NUDCD3: variants seen among roughly 807,000 people sequenced by gnomAD.
NUDCD3 encodes the protein nudC domain-containing protein 3.
Under a neutral mutation model 39.7 loss-of-function variants are expected in NUDCD3, and 13 were observed. That is an observed-to-expected ratio of 0.33 (90% confidence interval 0.21 to 0.52). The LOEUF (loss-of-function observed/expected upper bound fraction) is 0.52, where lower values mean the gene tolerates loss of function less well. Ranked by LOEUF, NUDCD3 falls within the 20% of genes least tolerant of loss-of-function variation. The pLI is 0.96. For synonymous variants in NUDCD3, 175 were observed against 172.4 expected (o/e 1.02, Z -0.12); for missense variants, 453 against 458.1 (o/e 0.99, Z 0.10).
chr7:44,486,647 T>C (rs920648194), intron 1 of NUDCD3, among the ~76,000 whole-genome samples: 2 of 152,206 alleles, frequency 1.3e-5, no homozygotes, highest in African/African-American at 4.8e-5. Flanking sequence ...CCGCTTTGAG[T>C]CCATGCTTTC....
rs140315398 is a variant in NUDCD3 at position 44,484,970 on chromosome 7, G to A, written c.507C>T (p.Pro169=). ...AGCTGCAAAGTAGAAATTCCCACCTGGGAAGAATTGGTGGTTCCCTAGGGA... is the reference window on the plus strand; with the variant it reads ...AGCTGCAAAGTAGAAATTCCCACCTAGGAAGAATTGGTGGTTCCCTAGGGA... The part of the protein sequence containing the change: ...AEVPREPPIL[P]RIQEQFQKNP... Residue 169 remains proline, a splice_region_variant and synonymous_variant, in exon 2 of 6, where the codon CCC becomes CCT. Transcript: ENST00000355451. 2 of 1,591,264 alleles carry A rather than the reference G, an allele frequency of 1.3e-6. No individual in the cohort carries two copies. Among genetic ancestry groups the A allele is most frequent in the African/African-American group, 2.7e-5 (2 of 73,962 alleles).
rs116332969 is a variant in NUDCD3, at chr7:44,407,185, G to A, written c.643-2602C>T. Reference sequence around the variant, plus strand: ...TCCACTCAGCTGTCGGTGGTGGTGGGACGAGCAGGTTTCAGACACACAGTA... The same window carrying A: ...TCCACTCAGCTGTCGGTGGTGGTGGAACGAGCAGGTTTCAGACACACAGTA... On this transcript the variant is annotated intron_variant, in intron 3 of 5. Coordinates refer to ENST00000355451, the MANE Select transcript of NUDCD3 (RefSeq NM_015332.4). Among the ~76,000 whole-genome samples, 990 of 151,632 alleles carry A rather than the reference G, an allele frequency of 6.5e-3. 10 individuals are homozygous for A. Among genetic ancestry groups the A allele is most frequent in the African/African-American group, 0.023 (936 of 41,284 alleles).
At chr7:44,406,694 C>T (rs1798827032) in intron 3 of NUDCD3, among the ~76,000 whole-genome samples, 1 of 152,160 alleles carries the variant, frequency 6.6e-6, no homozygotes, top group African/African-American at 2.4e-5. Context: ...AGATGTCACA[C>T]TGGGAACAGA....
At position 44,439,868 on chromosome 7, in the gene NUDCD3, T is replaced by C. The variant is rs151224818; in HGVS notation, c.510-12165A>G. On this transcript the variant is annotated intron_variant, in intron 2 of 5. Transcript: ENST00000355451. Reference sequence around the variant, plus strand: ...ATAGGAAATTGCCATTAAAACATAATTGCCAAGAGCCACTGATGATGCTAA... The same window carrying C: ...ATAGGAAATTGCCATTAAAACATAACTGCCAAGAGCCACTGATGATGCTAA... 8.7e-3 allele frequency among the ~76,000 whole-genome samples: 1,324 copies of C among 151,586 alleles called. 18 individuals are homozygous for C. Among genetic ancestry groups the C allele is most frequent in the African/African-American group, 0.03 (1,250 of 41,484 alleles).
chr7:44,468,066 A>G, intron 2 of NUDCD3: 3 of 1,612,678 alleles, frequency 1.9e-6, no homozygotes, highest in Non-Finnish European at 1.7e-6. Flanking sequence ...TTGATGCCCA[A>G]CATTGGTTAT....
chr7:44,386,204 A>C, intron 5 of NUDCD3, 83 bp from the exon 6 acceptor site: 2 of 1,469,944 alleles, frequency 1.4e-6, no homozygotes, highest in South Asian at 2.4e-5. Flanking sequence ...CTGCAGGTAG[A>C]GAGCCTTCTT....
At chr7:44,393,993 C>A (rs766408799) in intron 4 of NUDCD3, among the ~76,000 whole-genome samples, 14 of 152,202 alleles carry the variant, frequency 9.2e-5, no homozygotes, top group Non-Finnish European at 1.6e-4. Flanking sequence ...GCTCCTGCTG[C>A]CAAAACCTAC....
intron 2 of NUDCD3, among the ~76,000 whole-genome samples, chr7:44,465,092 C>G (rs954602380): frequency 2.6e-5 from 4 of 152,236 alleles, no homozygotes; most frequent in Non-Finnish European, 5.9e-5. Flanking sequence ...GCTCTCCGCC[C>G]TGTGCCCTAG....
At chr7:44,386,529 G>A (rs1798405847) in intron 5 of NUDCD3, among the ~76,000 whole-genome samples, 2 of 152,340 alleles carry the variant, frequency 1.3e-5, no homozygotes, top group African/African-American at 4.8e-5. Context: ...TAGAGAAGGT[G>A]CGTAGAGAAA....
chr7:44,464,021 C>T (rs985043766), intron 2 of NUDCD3, among the ~76,000 whole-genome samples: 2 of 151,868 alleles, frequency 1.3e-5, no homozygotes, highest in African/African-American at 2.4e-5. Flanking sequence ...CGAGACCAGC[C>T]TGACCAATAT....
intron 2 of NUDCD3, among the ~76,000 whole-genome samples, chr7:44,461,701 T>C (rs539765214): frequency 3.0e-4 from 45 of 152,126 alleles, no homozygotes; most frequent in Non-Finnish European, 4.7e-4. Flanking sequence ...ACCTCAGCCA[T>C]AATGGTTGAA....
rs555419041 is a variant in NUDCD3, at chr7:44,473,510, A to C, written c.509+11458T>G. Among the ~76,000 whole-genome samples, 3 of 152,226 alleles carry C rather than the reference A, an allele frequency of 2.0e-5. No individual in the cohort carries two copies. The South Asian group carries it at 6.2e-4, about 31-fold the overall frequency. On this transcript the variant is annotated intron_variant, in intron 2 of 5. Transcript: ENST00000355451. ...AGTATTCAGTCAGTGTCAGCTGCTT[A>C]TCTAGTGCAAGGGTTCACAGCACAT...
intron 2 of NUDCD3, among the ~76,000 whole-genome samples, chr7:44,444,313 T>G (rs1799648974): frequency 6.6e-6 from 1 of 152,148 alleles, no homozygotes; most frequent in South Asian, 2.1e-4. Context: ...TCTGCCCCTC[T>G]TCTTTCTGAG....
chr7:44,420,906 T>A (rs901656767), intron 3 of NUDCD3, among the ~76,000 whole-genome samples: 36 of 152,106 alleles, frequency 2.4e-4, no homozygotes, highest in Admixed American at 1.7e-3. Flanking sequence ...TACCAAAATA[T>A]AAAGACCAAC....
At chr7:44,447,321 C>T (rs1353211793) in intron 2 of NUDCD3, among the ~76,000 whole-genome samples, 1 of 152,178 alleles carries the variant, frequency 6.6e-6, no homozygotes, top group Non-Finnish European at 1.5e-5. Context: ...AACACTGTAA[C>T]GAAGGTCTTC....
At chr7:44,425,461 T>C (rs1031974138) in intron 3 of NUDCD3, among the ~76,000 whole-genome samples, 19 of 152,344 alleles carry the variant, frequency 1.2e-4, no homozygotes, top group African/African-American at 4.6e-4. Flanking sequence ...ATGTCCCATT[T>C]TGCATTGTTA....
chr7:44,457,315 T>C (rs1799924015), intron 2 of NUDCD3, among the ~76,000 whole-genome samples: 1 of 152,222 alleles, frequency 6.6e-6, no homozygotes, highest in South Asian at 2.1e-4. Context: ...CTAGAAGTTC[T>C]AGCCAGGGGA....
intron 4 of NUDCD3, among the ~76,000 whole-genome samples, chr7:44,394,352 G>A (rs1798580153): frequency 6.6e-6 from 1 of 152,194 alleles, no homozygotes; most frequent in Non-Finnish European, 1.5e-5. Flanking sequence ...AAGCTGGTTT[G>A]TCGTTGACTT....
At chr7:44,470,561 T>C (rs1800234390) in intron 2 of NUDCD3, among the ~76,000 whole-genome samples, 1 of 152,194 alleles carries the variant, frequency 6.6e-6, no homozygotes, top group Non-Finnish European at 1.5e-5. Context: ...TCACTCCAAC[T>C]ACCTCACAGC....
Sources: allele counts gnomAD v4.1 joint callset (sites outside exome capture counted in the v4.1 genomes callset), GRCh38; gene constraint gnomAD v4.1.1; transcripts MANE v1.5; gene names NCBI Gene and HGNC (gene_info 2026-07-23, HGNC 2026-07-21).